PDE1B: variants seen among roughly 807,000 people sequenced by gnomAD.
PDE1B encodes phosphodiesterase 1B.
In PDE1B, 13 loss-of-function variants were observed where a neutral mutation model predicts 66.7. The observed-to-expected ratio is 0.19, with a 90% confidence interval of 0.13 to 0.31. PDE1B has a LOEUF of 0.31. Ranked by LOEUF, PDE1B falls within the 10% of genes least tolerant of loss-of-function variation. The pLI is 1.00. For missense variants in PDE1B, 485 were observed against 682.3 expected, an observed-to-expected ratio of 0.71 and a Z score of 3.22; for synonymous variants, 230 against 253.9, an observed-to-expected ratio of 0.91 and a Z score of 0.90.
At chr12:54,561,864 T>C (rs971313525) in intron 2 of PDE1B, among the ~76,000 whole-genome samples, 1 of 152,044 alleles carries the variant, frequency 6.6e-6, no homozygotes. Context: ...CCCACCTTTG[T>C]AAAAATTGCT....
At chr12:54,550,456 C>T (rs1957260688) in intron 2 of PDE1B, among the ~76,000 whole-genome samples, 1 of 152,220 alleles carries the variant, frequency 6.6e-6, no homozygotes. Flanking sequence ...CTTGTGCCAA[C>T]CTGTGGGTCA....
chr12:54,576,215 C>A, intron 13 of PDE1B, 115 bp downstream of exon 13: 1 of 708,626 alleles, frequency 1.4e-6, no homozygotes, highest in South Asian at 1.6e-5. Flanking sequence ...GGGAGGCAGA[C>A]TGCTTCAAGC....
At chr12:54,577,404 G>C (rs1407334106) in intron 15 of PDE1B, 59 bp downstream of exon 15, 1 of 1,608,158 alleles carries the variant, frequency 6.2e-7, no homozygotes, top group African/African-American at 1.3e-5. Flanking sequence ...CATCTTTGTT[G>C]GGTCGTCTCT....
In PDE1B at chr12:54,572,732, A is replaced by G. The variant is rs747320818; in HGVS notation, c.726A>G (p.Thr242=). ...CAGTCCATTGCTTCTTGCTCCGCAC[A>G]GGGATGGTGGTAGGTGCCCTGGAGA... ...TQTVHCFLLR[T]GMVHCLSEIE... is the part of the protein sequence containing the mutation. Residue 242 remains threonine, a synonymous_variant, in exon 7 of 16, where the codon ACA becomes ACG. Transcript: ENST00000243052. The G allele has an allele frequency of 1.4e-5, 22 of 1,614,144 alleles. No individual in the cohort carries two copies. Among genetic ancestry groups the G allele is most frequent in the Non-Finnish European group, 1.8e-5 (21 of 1,179,980 alleles).
intron 15 of PDE1B, 114 bp downstream of exon 15, chr12:54,577,459 A>C (rs1181682014): frequency 1.2e-6 from 2 of 1,603,776 alleles, no homozygotes; most frequent in Middle Eastern, 1.7e-4. Context: ...TTGAGCAGTA[A>C]AATGGAGCGA....
In PDE1B at chr12:54,566,702, G is replaced by A. The variant is rs917378304; in HGVS notation, c.114-272G>A. Among the ~76,000 whole-genome samples the A allele has an allele frequency of 2.6e-5, 4 of 152,302 alleles. No homozygotes were observed. The South Asian group carries it at 8.3e-4, about 32-fold the overall frequency. On this transcript the variant is annotated intron_variant, in intron 2 of 15. Coordinates refer to ENST00000243052, the MANE Select transcript of PDE1B (RefSeq NM_000924.4). Reference sequence around the variant, plus strand: ...TAAACAAGACTAAGCACTGACTAAAGAGCGGGTTTCGAGAAGTCAGATGGT... The same window carrying A: ...TAAACAAGACTAAGCACTGACTAAAAAGCGGGTTTCGAGAAGTCAGATGGT...
intron 7 of PDE1B, 92 bp downstream of exon 7, chr12:54,572,833 C>T (rs550336365): frequency 1.2e-4 from 153 of 1,317,646 alleles, no homozygotes; most frequent in South Asian, 1.2e-4. Flanking sequence ...CATTTCTCCT[C>T]GTTGGTTCTT....
chr12:54,575,505 G>T lies in PDE1B; in HGVS notation c.1186-46G>T, dbSNP rs1423562603. The T allele has an allele frequency of 7.3e-7, 1 of 1,368,252 alleles. No homozygotes were observed. The highest frequency in any genetic ancestry group is 1.2e-5 in the South Asian group (1 of 86,244). The allele number at this position is 1,368,252 out of a possible 1,614,324, so 84.8% of individuals were successfully genotyped here. ...GCCACCTGTACCCCAGATCTGGTAGGTCTGAGGTATCCTCTCCAGCTTTCC... is the reference window on the plus strand; with the variant it reads ...GCCACCTGTACCCCAGATCTGGTAGTTCTGAGGTATCCTCTCCAGCTTTCC... On this transcript the variant is annotated intron_variant, in intron 11 of 15. Coordinates refer to ENST00000243052, the MANE Select transcript of PDE1B (RefSeq NM_000924.4). The surrounding 1 kb of genome is among the most constrained non-coding windows in gnomAD (Gnocchi z 4.0).
chr12:54,553,513 A>G (rs1957305374), intron 2 of PDE1B, among the ~76,000 whole-genome samples: 1 of 152,200 alleles, frequency 6.6e-6, no homozygotes, highest in Non-Finnish European at 1.5e-5. Context: ...ATTTTTGCTT[A>G]TCTTTGTTTC....
At chr12:54,576,418 CAG>C in intron 13 of PDE1B, 151 bp from the exon 14 acceptor site, 1 of 803,484 alleles carries the variant, frequency 1.2e-6, no homozygotes, top group South Asian at 1.8e-5. Flanking sequence ...GGGAGAGGGA[CAG>C]GGACTTGGGG....
chr12:54,577,439 C>T (rs779139873), intron 15 of PDE1B, 94 bp downstream of exon 15: 10 of 1,607,134 alleles, frequency 6.2e-6, no homozygotes, highest in Non-Finnish European at 7.6e-6. Context: ...GCGACATTCT[C>T]TCTCCCCTTT....
In PDE1B at chr12:54,562,297, C is replaced by T. The variant is rs1957432129; in HGVS notation, c.114-4677C>T. Among the ~76,000 whole-genome samples, 3 of 152,338 alleles carry T rather than the reference C, an allele frequency of 2.0e-5. No homozygotes were observed. The South Asian group carries it at 6.2e-4, about 32-fold the overall frequency. On this transcript the variant is annotated intron_variant, in intron 2 of 15. Transcript: ENST00000243052. ...GTGTTGGGGTTATAACTGCCAGAGT[C>T]TTTTCCTCCCAATGGCTGCCTAGAG...
chr12:54,559,447 G>A (rs1490189529), intron 2 of PDE1B, among the ~76,000 whole-genome samples: 2 of 152,096 alleles, frequency 1.3e-5, no homozygotes, highest in East Asian at 1.9e-4. Flanking sequence ...TGTCCTGCCT[G>A]CCAGCCAGGT....
In PDE1B at chr12:54,562,070, G is replaced by A. The variant is rs73110913; in HGVS notation, c.114-4904G>A. Among the ~76,000 whole-genome samples the A allele has an allele frequency of 8.1e-3, 1,228 of 152,076 alleles. 5 individuals carry two copies. The highest frequency in any genetic ancestry group is 0.012 in the Non-Finnish European group (839 of 67,982). ...CTTCAGAGTTAGAATCTCCCCAGAC[G>A]CACTCAAAATCTTCACATCACTGTT... On this transcript the variant is annotated intron_variant, in intron 2 of 15. Transcript: ENST00000243052.
rs1957775728 is a variant in PDE1B, at chr12:54,577,320, C to T, written c.1603C>T (p.Leu535=). The T allele has an allele frequency of 1.2e-6, 2 of 1,613,884 alleles. No individual in the cohort carries two copies. The highest frequency in any genetic ancestry group is 1.7e-5 in the Admixed American group (1 of 59,980). The change falls in exon 15 of 16, where the codon CTG becomes TTG. Residue 535 remains leucine (L), a synonymous_variant. Transcript: ENST00000243052. ...AGATGAACACAACCAGAATGGGAAT[C>T]TGGATTAGCCCTGGGGCTGGCCCAG... The part of the protein sequence containing the change: ...AEDEHNQNGN[L]D
chr12:54,564,330 TAA>T (rs35068189), intron 2 of PDE1B, among the ~76,000 whole-genome samples: 278 of 139,186 alleles, frequency 2.0e-3, no homozygotes, highest in African/African-American at 3.9e-3. Context: ...CCTTGTCTCT[TAA>T]AAAAAAAAAA....
intron 3 of PDE1B, among the ~76,000 whole-genome samples, chr12:54,568,551 A>G (rs1019816594): frequency 2.0e-5 from 3 of 150,732 alleles, no homozygotes; most frequent in African/African-American, 7.3e-5. Flanking sequence ...TATTAGGTAA[A>G]ATAAAATTTA....
chr12:54,561,136 T>C (rs1957403514), intron 2 of PDE1B, among the ~76,000 whole-genome samples: 1 of 152,312 alleles, frequency 6.6e-6, no homozygotes, highest in Admixed American at 6.5e-5. Flanking sequence ...TTGGGGGTTC[T>C]TGCAGGGCCC....
chr12:54,570,136 C>A (rs1957591163), intron 5 of PDE1B, 105 bp from the exon 6 acceptor site: 2 of 718,076 alleles, frequency 2.8e-6, no homozygotes, highest in Non-Finnish European at 5.1e-6. Context: ...CATTTCTTTG[C>A]TTTCCTATTT....
Sources: gnomAD v4.1 joint callset for allele counts (sites outside exome capture counted in the v4.1 genomes callset) on GRCh38, gnomAD v4.1.1 for gene constraint, Gnocchi (gnomAD v3.1) non-coding constraint, MANE v1.5 for transcripts, NCBI Gene and HGNC (gene_info 2026-07-23, HGNC 2026-07-21) for gene names.